RBMS3: variants seen among roughly 807,000 people sequenced by gnomAD.
RBMS3 encodes the protein RNA binding motif single stranded interacting protein 3, also known as RNA-binding motif, single-stranded-interacting protein 3.
A neutral mutation model predicts 66.8 loss-of-function variants in RBMS3; 27 were observed. That is an observed-to-expected ratio of 0.40 (90% CI 0.30 to 0.56). RBMS3 has a LOEUF of 0.56. Ranked by LOEUF, RBMS3 falls within the 20% of genes least tolerant of loss-of-function variation. The probability of loss-of-function intolerance (pLI) is 0.40; values close to 1 mark genes in which losing one functional copy is unlikely to be tolerated. For missense variants in RBMS3, 513 were observed against 549.5 expected (o/e 0.93, Z 0.66); for synonymous variants, 188 against 183.0 (o/e 1.03, Z -0.22).
intron 6 of RBMS3, among the ~76,000 whole-genome samples, chr3:29,854,701 G>T (rs1199469994): frequency 1.3e-5 from 2 of 152,178 alleles, no homozygotes; most frequent in Admixed American, 6.5e-5. Flanking sequence ...ATTTGACAGG[G>T]TCTCTCATGG....
intron 3 of RBMS3, among the ~76,000 whole-genome samples, chr3:29,572,562 A>T (rs1161125894): frequency 6.6e-6 from 1 of 152,210 alleles, no homozygotes; most frequent in Non-Finnish European, 1.5e-5. Flanking sequence ...GATATGTTGT[A>T]TCACATTGAT....
At chr3:29,913,446 C>T (rs1229872827) in intron 10 of RBMS3, among the ~76,000 whole-genome samples, 1 of 151,986 alleles carries the variant, frequency 6.6e-6, no homozygotes, top group Non-Finnish European at 1.5e-5. Context: ...TAGGGTGGTA[C>T]TTGTTCCCTT....
chr3:29,603,050 T>G (rs879857687), intron 4 of RBMS3, among the ~76,000 whole-genome samples: 2 of 152,032 alleles, frequency 1.3e-5, no homozygotes, highest in Non-Finnish European at 2.9e-5. Context: ...GGGAGACTAT[T>G]GGATTACTGT....
At chr3:29,594,577 T>G (rs1298416800) in intron 4 of RBMS3, among the ~76,000 whole-genome samples, 1 of 152,220 alleles carries the variant, frequency 6.6e-6, no homozygotes, top group Non-Finnish European at 1.5e-5. Context: ...AACAGACAGA[T>G]CTCTCTAAAA....
chr3:29,449,049 G>C (rs982840582), intron 2 of RBMS3, among the ~76,000 whole-genome samples: 3 of 152,094 alleles, frequency 2.0e-5, no homozygotes, highest in Non-Finnish European at 4.4e-5. Context: ...GTGGATGTAA[G>C]GAGAGAAGAA....
chr3:29,601,752 A>G (rs34583589), intron 4 of RBMS3, among the ~76,000 whole-genome samples: 1 of 151,968 alleles, frequency 6.6e-6, no homozygotes. Context: ...GAGGGACAAA[A>G]TGCTCTGGTC....
chr3:29,860,657 G>A (rs1331692518), intron 6 of RBMS3, among the ~76,000 whole-genome samples: 7 of 152,092 alleles, frequency 4.6e-5, no homozygotes, highest in Non-Finnish European at 1.5e-5. Context: ...ACTTTGCCAG[G>A]AGCAAAGTTT....
chr3:29,464,980 G>T (rs1438328), intron 2 of RBMS3, among the ~76,000 whole-genome samples: 1 of 152,106 alleles, frequency 6.6e-6, no homozygotes, highest in South Asian at 2.1e-4. Context: ...ATTCATCTCA[G>T]TATTACAAGG....
intron 4 of RBMS3, among the ~76,000 whole-genome samples, chr3:29,613,224 A>G (rs1393272291): frequency 6.6e-6 from 1 of 152,154 alleles, no homozygotes; most frequent in Non-Finnish European, 1.5e-5. Flanking sequence ...GCCGGATCAT[A>G]TGTTAGTTCT....
At chr3:29,295,382 T>C (rs1485019147) in intron 1 of RBMS3, among the ~76,000 whole-genome samples, 3 of 145,444 alleles carry the variant, frequency 2.1e-5, no homozygotes, top group South Asian at 2.2e-4. Context: ...TATATACACA[T>C]ATATATATGT....
chr3:29,855,834 T>G (rs1559741566), intron 6 of RBMS3, among the ~76,000 whole-genome samples: 1 of 152,138 alleles, frequency 6.6e-6, no homozygotes, highest in African/African-American at 2.4e-5. Flanking sequence ...CTTGCTAAAA[T>G]TGTGCAGGTG....
chr3:29,812,818 A>G (rs1426044046), intron 6 of RBMS3, among the ~76,000 whole-genome samples: 1 of 152,164 alleles, frequency 6.6e-6, no homozygotes, highest in Admixed American at 6.5e-5. Context: ...CTACTTCATG[A>G]ATAAAGTTCA....
At chr3:29,653,164 G>C (rs1163784969) in intron 4 of RBMS3, among the ~76,000 whole-genome samples, 2 of 152,056 alleles carry the variant, frequency 1.3e-5, no homozygotes, top group Non-Finnish European at 2.9e-5. Flanking sequence ...TGGAGTTTTA[G>C]ATCAATACAA....
intron 3 of RBMS3, among the ~76,000 whole-genome samples, chr3:29,532,680 G>A (rs1329394979): frequency 6.6e-6 from 1 of 152,108 alleles, no homozygotes; most frequent in Non-Finnish European, 1.5e-5. Flanking sequence ...AATGAGCTAT[G>A]ATTGTGCCAC....
At chr3:29,842,251 T>C (rs2058678560) in intron 6 of RBMS3, among the ~76,000 whole-genome samples, 1 of 152,170 alleles carries the variant, frequency 6.6e-6, no homozygotes, top group East Asian at 1.9e-4. Flanking sequence ...AAAAATGTTT[T>C]TCTTGCATCT....
intron 14 of RBMS3, among the ~76,000 whole-genome samples, chr3:29,995,297 C>CTGA (rs1265181997): frequency 7.2e-5 from 11 of 152,126 alleles, no homozygotes; most frequent in African/African-American, 2.7e-4. Context: ...ATTGGTGTAC[C>CTGA]TGAAAGTGAT....
intron 4 of RBMS3, among the ~76,000 whole-genome samples, chr3:29,703,579 C>T (rs1427261329): frequency 1.3e-5 from 2 of 152,210 alleles, no homozygotes; most frequent in Non-Finnish European, 2.9e-5. Flanking sequence ...GTCTAAAGTT[C>T]TACCCTGGTA....
At chr3:29,315,903 T>C (rs2125477656) in intron 1 of RBMS3, among the ~76,000 whole-genome samples, 1 of 151,874 alleles carries the variant, frequency 6.6e-6, no homozygotes, top group East Asian at 1.9e-4. Flanking sequence ...AAACAACATA[T>C]GAGAGTCCTT....
At chr3:29,285,995 T>C (rs1401744226) in intron 1 of RBMS3, among the ~76,000 whole-genome samples, 1 of 152,168 alleles carries the variant, frequency 6.6e-6, no homozygotes, top group African/African-American at 2.4e-5. Flanking sequence ...CAGATTTGCA[T>C]TGATATCCAG....
Sources: allele counts gnomAD v4.1 joint callset (sites outside exome capture counted in the v4.1 genomes callset), GRCh38; gene constraint gnomAD v4.1.1; transcripts MANE v1.5; gene names NCBI Gene and HGNC (gene_info 2026-07-23, HGNC 2026-07-21).